TNFRSF10B: variants seen among roughly 807,000 people sequenced by gnomAD.
The protein encoded by TNFRSF10B is tumor necrosis factor receptor superfamily member 10B.
In TNFRSF10B, 35 loss-of-function variants were observed where a neutral mutation model predicts 41.4. The ratio of observed to expected loss-of-function variants is 0.85; its 90% CI spans 0.65 to 1.12. The LOEUF is 1.12. Ranked by LOEUF, TNFRSF10B falls within the 50% of genes most tolerant of loss-of-function variation. TNFRSF10B has a pLI of 0.00. For missense variants in TNFRSF10B, 584 were observed against 552.7 expected (o/e 1.06, Z -0.57); for synonymous variants, 230 against 215.5 (o/e 1.07, Z -0.59).
rs190548996 is a variant in TNFRSF10B at position 23,036,558 on chromosome 8, C to T, written c.251-5686G>A. On this transcript the variant is annotated intron_variant, in intron 2 of 8. Transcript: ENST00000276431. ...TGAAGGACAGTGGTGAAAAGAAATCCGCTAGGCCGGGTGTGGTGGCTCACA... is the reference window on the plus strand; with the variant it reads ...TGAAGGACAGTGGTGAAAAGAAATCTGCTAGGCCGGGTGTGGTGGCTCACA... 6.1e-4 allele frequency among the ~76,000 whole-genome samples: 93 copies of T among 152,318 alleles called. 2 individuals carry two copies. The highest frequency in any genetic ancestry group is 5.2e-3 in the Admixed American group (79 of 15,304).
At chr8:23,042,080 C>A (rs565921333) in intron 2 of TNFRSF10B, among the ~76,000 whole-genome samples, 1 of 152,316 alleles carries the variant, frequency 6.6e-6, no homozygotes, top group South Asian at 2.1e-4. Context: ...GTCCTCATTC[C>A]CCACACGTCA....
In TNFRSF10B at chr8:23,022,438, A is replaced by T. The variant is rs1811561659; in HGVS notation, c.*233T>A. 1 of 658,130 alleles carries T rather than the reference A, an allele frequency of 1.5e-6. No individual in the cohort carries two copies. The highest frequency in any genetic ancestry group is 1.8e-5 in the African/African-American group (1 of 56,324). 40.8% of individuals were successfully genotyped at this position (658,130 alleles called of 1,614,324 possible). ...TCTCAAAGTACGCACAAACGGAATG[A>T]TCCAGACATTTCCATAGTGTCCTTA... is the stretch of plus-strand genomic sequence containing the variant. On this transcript the variant is annotated 3_prime_UTR_variant, in exon 9 of 9. Coordinates refer to ENST00000276431, the MANE Select transcript of TNFRSF10B (RefSeq NM_003842.5).
chr8:23,052,321 T>A (rs1459939565), intron 1 of TNFRSF10B, among the ~76,000 whole-genome samples: 1 of 147,498 alleles, frequency 6.8e-6, no homozygotes, highest in Non-Finnish European at 1.5e-5. Context: ...AGTCTTGCTC[T>A]GTCACCCAGG....
chr8:23,021,477 C>A lies in TNFRSF10B; in HGVS notation c.*1194G>T, dbSNP rs1227578208. Reference sequence around the variant, plus strand: ...TTGATGCCATGGCAGACGTGGGAGACAGATTTTGTCTTCTATCTCCTGAGC... The same window carrying A: ...TTGATGCCATGGCAGACGTGGGAGAAAGATTTTGTCTTCTATCTCCTGAGC... On this transcript the variant is annotated 3_prime_UTR_variant, in exon 9 of 9. Transcript: ENST00000276431. The A allele has an allele frequency of 2.2e-6, 1 of 454,126 alleles. No homozygotes were observed. The highest frequency in any genetic ancestry group is 1.6e-5 in the South Asian group (1 of 64,478). 28.1% of individuals were successfully genotyped at this position (454,126 alleles called of 1,614,324 possible). A position where few individuals can be genotyped will look rare whatever the true frequency, so the allele number is the denominator to read the frequency against.
At chr8:23,027,321 A>C in intron 6 of TNFRSF10B, 33 bp from the exon 7 acceptor site, 2 of 1,613,360 alleles carry the variant, frequency 1.2e-6, no homozygotes, top group Non-Finnish European at 8.5e-7. Flanking sequence ...CAAAAAGCCG[A>C]CTCAGGAGTC....
chr8:23,027,064 T>C, intron 7 of TNFRSF10B, 69 bp downstream of exon 7: 1 of 1,609,826 alleles, frequency 6.2e-7, no homozygotes, highest in South Asian at 1.1e-5. Context: ...GGCACTGCCC[T>C]CTCCCACTGT....
chr8:23,045,060 CA>C (rs35953846), intron 1 of TNFRSF10B, among the ~76,000 whole-genome samples: 11,045 of 38,746 alleles, frequency 0.29, 547 homozygotes, highest in Middle Eastern at 0.47. Flanking sequence ...TAATAAAATA[CA>C]AAAAAAAAAA....
chr8:23,021,144 G>T lies in TNFRSF10B; in HGVS notation c.*1527C>A, dbSNP rs1385758358. On this transcript the variant is annotated 3_prime_UTR_variant, in exon 9 of 9. Transcript: ENST00000276431. ...GATCCTTCCATGACTGAAATACTAT[G>T]GAGAAGGGTTTGCTGGAAAGAGGCT... The T allele has an allele frequency of 2.2e-6, 1 of 454,086 alleles. No individual in the cohort carries two copies. Among genetic ancestry groups the T allele is most frequent in the South Asian group, 1.6e-5 (1 of 64,476 alleles). 28.1% of individuals were successfully genotyped at this position (454,086 alleles called of 1,614,324 possible).
intron 8 of TNFRSF10B, among the ~76,000 whole-genome samples, chr8:23,023,604 TAGAC>T (rs746763971): frequency 6.6e-6 from 1 of 152,258 alleles, no homozygotes; most frequent in Non-Finnish European, 1.5e-5. Context: ...TCCTCAGAGA[TAGAC>T]AGGGTCAGGA....
At chr8:23,039,947 C>T (rs1425869492) in intron 2 of TNFRSF10B, among the ~76,000 whole-genome samples, 1 of 152,046 alleles carries the variant, frequency 6.6e-6, no homozygotes, top group Non-Finnish European at 1.5e-5. Context: ...AATCCCAACA[C>T]TTTGGGAGGC....
intron 1 of TNFRSF10B, among the ~76,000 whole-genome samples, chr8:23,060,008 G>A (rs372691658): frequency 3.6e-4 from 55 of 152,204 alleles, no homozygotes; most frequent in East Asian, 3.9e-4. Flanking sequence ...TTGTTAGATC[G>A]TAGGAATTCT....
At position 23,037,468 on chromosome 8, in the gene TNFRSF10B, T is replaced by G. The variant is rs150297449; in HGVS notation, c.250+5670A>C. ...GCATTTTTACTGGAAGAGAAGCTTA[T>G]TTTGCACATAGACTTGCCTTCCCTG... is the stretch of plus-strand genomic sequence containing the variant. On this transcript the variant is annotated intron_variant, in intron 2 of 8. Transcript: ENST00000276431. Among the ~76,000 whole-genome samples the G allele has an allele frequency of 2.3e-3, 349 of 152,348 alleles. 3 individuals are homozygous for G. The highest frequency in any genetic ancestry group is 7.5e-3 in the African/African-American group (311 of 41,590).
chr8:23,028,578 G>A lies in TNFRSF10B; in HGVS notation c.501C>T (p.Val167=). 1 of 1,614,074 alleles carries A rather than the reference G, an allele frequency of 6.2e-7. No homozygotes were observed. The highest frequency in any genetic ancestry group is 8.5e-7 in the Non-Finnish European group (1 of 1,179,976). ...TGTCACTCCAGGGTGTACAATCACC[G>A]ACCTTGACCATCCCTCTGGGACACC... The part of the protein sequence containing the change: ...RTGCPRGMVK[V]GDCTPWSDIE... The change falls in exon 5 of 9, where the codon GTC becomes GTT. Residue 167 remains valine (V), a synonymous_variant. Transcript: ENST00000276431.
intron 1 of TNFRSF10B, among the ~76,000 whole-genome samples, chr8:23,055,521 T>TTAAAAAA (rs1554510887): frequency 8.3e-6 from 1 of 120,548 alleles, no homozygotes. Flanking sequence ...ATTAAATGCT[T>TTAAAAAA]AAAAAAAAAA....
At chr8:23,048,725 G>A (rs1394776925) in intron 1 of TNFRSF10B, among the ~76,000 whole-genome samples, 3 of 152,108 alleles carry the variant, frequency 2.0e-5, no homozygotes, top group East Asian at 3.8e-4. Context: ...ATTCCATATT[G>A]TATTCATAAA....
In TNFRSF10B at chr8:23,028,417, G is replaced by A. The variant is rs61761317; in HGVS notation, c.662C>T (p.Ala221Val). The change falls in exon 5 of 9, where the codon GCA (alanine) becomes GTA (valine). Residue 221 changes from alanine to valine, a missense_variant. By Grantham distance (64) the Ala-to-Val change is moderately conservative. Transcript: ENST00000276431. ...LSGIIIGVTV[A>V]AVVLIVAVFV... ...CACAGCCACAATCAAGACTACGGCT[G>A]CAACTGTGACTCCTATGATGATGCC... The A allele has an allele frequency of 1.4e-4, 228 of 1,614,216 alleles. No individual in the cohort carries two copies. In the East Asian group the frequency reaches 4.5e-3, roughly 32 times the overall value.
intron 1 of TNFRSF10B, among the ~76,000 whole-genome samples, chr8:23,053,553 G>A (rs1477225014): frequency 2.0e-5 from 3 of 152,082 alleles, no homozygotes; most frequent in African/African-American, 7.2e-5. Flanking sequence ...TAAATGTATT[G>A]GCTAAAATTA....
chr8:23,056,146 A>G (rs929203879), intron 1 of TNFRSF10B, among the ~76,000 whole-genome samples: 1 of 152,206 alleles, frequency 6.6e-6, no homozygotes, highest in South Asian at 2.1e-4. Context: ...TGATCCAGCA[A>G]TCCCACTTCT....
At chr8:23,043,304 C>T in intron 1 of TNFRSF10B, 61 bp from the exon 2 acceptor site, 2 of 1,375,882 alleles carry the variant, frequency 1.5e-6, no homozygotes, top group Non-Finnish European at 2.1e-6. Flanking sequence ...TCCCAGGATC[C>T]ACTCACATTC....
Sources: allele counts gnomAD v4.1 joint callset (sites outside exome capture counted in the v4.1 genomes callset), GRCh38; gene constraint gnomAD v4.1.1; transcripts MANE v1.5; gene names NCBI Gene and HGNC (gene_info 2026-07-23, HGNC 2026-07-21).